Variants in PSD3 observed in about 807,000 individuals in gnomAD.
PSD3 encodes PH and SEC7 domain-containing protein 3.
A neutral mutation model predicts 105.5 loss-of-function variants in PSD3; 49 were observed. That is an observed-to-expected ratio of 0.46 (90% CI 0.37 to 0.59). PSD3 has a LOEUF of 0.59. Among genes scored for constraint, PSD3 ranks in the 20% least tolerant of loss-of-function variants. The pLI, the probability that PSD3 is intolerant of heterozygous loss-of-function variation, is 0.00. For missense variants in PSD3, 1,561 were observed against 1,263.8 expected (o/e 1.24, Z -3.57); for synonymous variants, 557 against 457.8 (o/e 1.22, Z -2.77).
At chr8:18,863,705 C>T (rs6998100) in intron 4 of PSD3, among the ~76,000 whole-genome samples, 14,845 of 151,926 alleles carry the variant, frequency 0.098, 775 homozygotes, top group South Asian at 0.18. Context: ...CAGAGTGAGC[C>T]GCTTGATGTC....
At chr8:18,723,113 T>C (rs755738833) in intron 9 of PSD3, among the ~76,000 whole-genome samples, 2 of 152,168 alleles carry the variant, frequency 1.3e-5, no homozygotes, top group Non-Finnish European at 2.9e-5. Flanking sequence ...CTCCGTTGAA[T>C]TGACACAGCA....
At chr8:18,688,164 G>A (rs1387577738) in intron 9 of PSD3, among the ~76,000 whole-genome samples, 1 of 152,124 alleles carries the variant, frequency 6.6e-6, no homozygotes, top group African/African-American at 2.4e-5. Flanking sequence ...CTGCAGCTAT[G>A]AGCAAAGATC....
intron 13 of PSD3, among the ~76,000 whole-genome samples, chr8:18,574,811 T>C (rs914510757): frequency 6.6e-5 from 10 of 152,198 alleles, no homozygotes; most frequent in Non-Finnish European, 1.5e-4. Context: ...GTTATCTAGG[T>C]CTGTTTTACT....
chr8:19,076,252 A>G (rs183844589), intron 1 of PSD3, among the ~76,000 whole-genome samples: 258 of 152,356 alleles, frequency 1.7e-3, no homozygotes, highest in Non-Finnish European at 2.9e-3. Flanking sequence ...AGTTGAAAAT[A>G]TTTATTTTAT....
chr8:18,999,734 CT>C (rs1826274861), intron 1 of PSD3, among the ~76,000 whole-genome samples: 1 of 151,614 alleles, frequency 6.6e-6, no homozygotes, highest in South Asian at 2.1e-4. Context: ...CCTCTGTATA[CT>C]AACTACACCA....
intron 14 of PSD3, among the ~76,000 whole-genome samples, chr8:18,569,432 A>G (rs953846193): frequency 2.7e-5 from 4 of 150,724 alleles, no homozygotes; most frequent in African/African-American, 9.8e-5. Context: ...CAATGTAGAA[A>G]AATCACAAGC....
chr8:18,945,287 C>T (rs1166202453), intron 1 of PSD3, among the ~76,000 whole-genome samples: 3 of 131,664 alleles, frequency 2.3e-5, no homozygotes, highest in African/African-American at 8.6e-5. Context: ...CACATGTATC[C>T]TTATAAGAGG....
intron 9 of PSD3, among the ~76,000 whole-genome samples, chr8:18,727,638 C>G (rs1261690476): frequency 6.6e-6 from 1 of 151,982 alleles, no homozygotes; most frequent in Non-Finnish European, 1.5e-5. Flanking sequence ...ACAACCCTCC[C>G]CTACTACACT....
At chr8:18,848,426 C>A (rs1365949628) in intron 4 of PSD3, among the ~76,000 whole-genome samples, 1 of 152,178 alleles carries the variant, frequency 6.6e-6, no homozygotes, top group Non-Finnish European at 1.5e-5. Context: ...GGTTGCATGG[C>A]CCTGAGACCT....
At chr8:18,774,652 T>C in intron 8 of PSD3, 2 of 371,260 alleles carry the variant, frequency 5.4e-6, no homozygotes, top group Non-Finnish European at 5.2e-6. Flanking sequence ...TGGCACATGA[T>C]ACAAGTATTC....
At chr8:18,843,692 C>T (rs924099541) in intron 4 of PSD3, among the ~76,000 whole-genome samples, 18 of 152,128 alleles carry the variant, frequency 1.2e-4, no homozygotes, top group Non-Finnish European at 1.0e-4. Flanking sequence ...TGTTGCTAAT[C>T]TGGGCTTTGT....
At chr8:18,793,149 G>A (rs114880540) in intron 8 of PSD3, among the ~76,000 whole-genome samples, 1,588 of 152,118 alleles carry the variant, frequency 0.01, 26 homozygotes, top group African/African-American at 0.035. Flanking sequence ...CACAGGGTGG[G>A]GAACATTGCA....
At chr8:18,660,188 G>C (rs773152747) in intron 9 of PSD3, among the ~76,000 whole-genome samples, 8 of 152,088 alleles carry the variant, frequency 5.3e-5, no homozygotes, top group Non-Finnish European at 8.8e-5. Flanking sequence ...CTTTATAGAA[G>C]GCAGACGGAG....
chr8:18,852,281 A>G (rs1323449977), intron 4 of PSD3, among the ~76,000 whole-genome samples: 1 of 152,198 alleles, frequency 6.6e-6, no homozygotes, highest in African/African-American at 2.4e-5. Flanking sequence ...CAGACCAGGC[A>G]CTCAGAGAAG....
chr8:18,744,507 C>G (rs1327882792), intron 9 of PSD3, among the ~76,000 whole-genome samples: 1 of 152,134 alleles, frequency 6.6e-6, no homozygotes, highest in Non-Finnish European at 1.5e-5. Flanking sequence ...TTGTATTATT[C>G]TCAATTTTTT....
chr8:18,559,079 G>A (rs1801243546), intron 14 of PSD3, among the ~76,000 whole-genome samples: 1 of 151,976 alleles, frequency 6.6e-6, no homozygotes, highest in East Asian at 1.9e-4. Flanking sequence ...TATAAATGAT[G>A]TTGCAACAGA....
intron 1 of PSD3, among the ~76,000 whole-genome samples, chr8:19,025,630 T>C (rs945465206): frequency 1.3e-5 from 2 of 152,210 alleles, no homozygotes; most frequent in African/African-American, 4.8e-5. Context: ...CTCTGATTTA[T>C]GGCCACTTGG....
rs1316395155 is a variant in PSD3, at chr8:19,023,652, G to T, written c.324+60554C>A. 1.3e-5 allele frequency among the ~76,000 whole-genome samples: 2 copies of T among 151,976 alleles called. 1 individual carries two copies. The highest frequency in any genetic ancestry group is 2.9e-5 in the Non-Finnish European group (2 of 68,006). On this transcript the variant is annotated intron_variant, in intron 1 of 1. Coordinates refer to the PSD3 transcript ENST00000521475. Reference sequence around the variant, plus strand: ...GGTTCTCACTATGTTGCCCAGGCTGGTCTGGAACTCCCGGCCTCAAGTGAT... The same window carrying T: ...GGTTCTCACTATGTTGCCCAGGCTGTTCTGGAACTCCCGGCCTCAAGTGAT...
At chr8:19,017,913 T>C (rs1012411042), upstream of PSD3, among the ~76,000 whole-genome samples, 1 of 152,250 alleles carries the variant, frequency 6.6e-6, no homozygotes, top group African/African-American at 2.4e-5. Context: ...CATTTCTCTT[T>C]TCCATTCTAC....
Sources: allele counts gnomAD v4.1 joint callset (sites outside exome capture counted in the v4.1 genomes callset), GRCh38; gene constraint gnomAD v4.1.1; transcripts MANE v1.5; gene names NCBI Gene and HGNC (gene_info 2026-07-23, HGNC 2026-07-21).